MGAM2: variants seen among roughly 807,000 people sequenced by gnomAD.
MGAM2 encodes maltase-glucoamylase 2 (putative), also known as probable maltase-glucoamylase 2.
Under a neutral mutation model 96.1 loss-of-function variants are expected in MGAM2, and 98 were observed. The observed-to-expected ratio is 1.02, with a 90% CI of 0.87 to 1.21. The LOEUF is 1.21. Ranked by LOEUF, MGAM2 falls within the 50% of genes most tolerant of loss-of-function variation. MGAM2 has a pLI of 0.00. For missense variants in MGAM2, 2,055 were observed against 1,182.4 expected (o/e 1.74, Z -10.82); for synonymous variants, 749 against 414.8 (o/e 1.81, Z -9.79).
rs781341615 is a variant in MGAM2, at chr7:142,198,619, C to T, written c.4928C>T (p.Thr1643Ile). The T allele has an allele frequency of 9.2e-5, 65 of 702,770 alleles. No individual in the cohort carries two copies. The highest frequency in any genetic ancestry group is 1.3e-5 in the Non-Finnish European group (5 of 384,890). 43.5% of individuals were successfully genotyped at this position (702,770 alleles called of 1,614,324 possible). A position where few individuals can be genotyped will look rare whatever the true frequency, so the allele number is the denominator to read the frequency against. Reference sequence around the variant, plus strand: ...TGCCTGTATTCTCCTTTCTAGGGAACTAGCAGCACATCAACAGGTCAGAGG... The same window carrying T: ...TGCCTGTATTCTCCTTTCTAGGGAATTAGCAGCACATCAACAGGTCAGAGG... ...RARWYDYSTG[T>I]SSTSTGQRKI... The change falls in exon 44 of 48, where the codon ACT (threonine) becomes ATT (isoleucine). Residue 1643 changes from threonine to isoleucine, a missense_variant. Thr to Ile is a moderately conservative substitution (Grantham distance 89). Transcript: ENST00000477922.
At chr7:142,160,077 C>T in intron 20 of MGAM2, 57 bp from the exon 21 acceptor site, 1 of 656,876 alleles carries the variant, frequency 1.5e-6, no homozygotes, top group South Asian at 1.7e-5. Flanking sequence ...ACCTAAGGCC[C>T]CTCCTAGCTG....
chr7:142,222,315 A>C lies in MGAM2; in HGVS notation c.*256A>C, dbSNP rs1459072521. The C allele has an allele frequency of 9.4e-6, 3 of 319,086 alleles. No individual in the cohort carries two copies. The highest frequency in any genetic ancestry group is 1.7e-5 in the Non-Finnish European group (3 of 175,552). 19.8% of individuals were successfully genotyped at this position (319,086 alleles called of 1,614,324 possible). A position where few individuals can be genotyped will look rare whatever the true frequency, so the allele number is the denominator to read the frequency against. The stretch of plus-strand genomic sequence containing the variant: ...TTTTGCAACCATAGTATGTGCTCTT[A>C]TTCTTTTAAATTATAGTTATTACTC... On this transcript the variant is annotated 3_prime_UTR_variant, in exon 48 of 48. Coordinates refer to ENST00000477922, the MANE Select transcript of MGAM2 (RefSeq NM_001293626.2).
Position 142,218,469 on chromosome 7 carries a change from A to G in MGAM2, c.5296A>G (p.Ser1766Gly), listed in dbSNP as rs1023894576. Residue 1766 changes from serine (S) to glycine (G), a missense_variant, in exon 47 of 48, where the codon AGT becomes GGT. Transcript: ENST00000477922. ...TGTGAATACCTATGTGACACAAGTC[A>G]GTTTCACCTATGACAACCGGCAATT... ...WGVNTYVTQV[S>G]FTYDNRQFME... 5 of 701,854 alleles carry G rather than the reference A, an allele frequency of 7.1e-6. No individual in the cohort carries two copies. In the African/African-American group the frequency reaches 8.7e-5, roughly 12 times the overall value. 43.5% of individuals were successfully genotyped at this position (701,854 alleles called of 1,614,324 possible).
chr7:142,186,152 T>A, intron 35 of MGAM2, 29 bp downstream of exon 35: 1 of 691,332 alleles, frequency 1.4e-6, no homozygotes, highest in Non-Finnish European at 2.6e-6. Flanking sequence ...GTCTTTTTTT[T>A]TTTTTTGGAA....
intron 17 of MGAM2, among the ~76,000 whole-genome samples, chr7:142,155,430 C>T (rs941112378): frequency 5.9e-5 from 9 of 152,142 alleles, no homozygotes; most frequent in African/African-American, 2.2e-4. Flanking sequence ...GTAGCAGAAG[C>T]AAGTAGGGTG....
chr7:142,160,927 C>G (rs1249471919), intron 21 of MGAM2, among the ~76,000 whole-genome samples, 198 bp from the exon 22 acceptor site: 1 of 152,120 alleles, frequency 6.6e-6, no homozygotes, highest in Non-Finnish European at 1.5e-5. Context: ...CCTCTGTCCA[C>G]CCTTCCCTTT....
At chr7:142,112,073 G>A (rs974739872) in intron 1 of MGAM2, among the ~76,000 whole-genome samples, 1 of 151,270 alleles carries the variant, frequency 6.6e-6, no homozygotes, top group Non-Finnish European at 1.5e-5. Context: ...CAGGTTGGGG[G>A]AGGTCTGGTG....
At chr7:142,191,342 T>C (rs1422363709) in intron 37 of MGAM2, among the ~76,000 whole-genome samples, 1 of 152,204 alleles carries the variant, frequency 6.6e-6, no homozygotes, top group African/African-American at 2.4e-5. Context: ...GCTTTTGGTG[T>C]CATATTCAAG....
intron 31 of MGAM2, among the ~76,000 whole-genome samples, chr7:142,175,159 T>C (rs1479255571): frequency 5.9e-5 from 9 of 152,302 alleles, no homozygotes; most frequent in Non-Finnish European, 1.3e-4. Flanking sequence ...CAGTATGATA[T>C]TGGCTGTGGG....
chr7:142,209,209 T>G (rs1321663455), intron 46 of MGAM2, among the ~76,000 whole-genome samples: 1 of 152,174 alleles, frequency 6.6e-6, no homozygotes, highest in Middle Eastern at 3.2e-3. Context: ...GCACGGCTTC[T>G]TCATAATTAT....
chr7:142,207,390 A>G (rs1480709390), intron 45 of MGAM2, among the ~76,000 whole-genome samples: 1 of 152,118 alleles, frequency 6.6e-6, no homozygotes, highest in Non-Finnish European at 1.5e-5. Context: ...AGACATAACA[A>G]GTAAAGGCTA....
intron 15 of MGAM2, 100 bp downstream of exon 15, chr7:142,147,673 T>C (rs1186054844): frequency 1.8e-6 from 1 of 563,220 alleles, no homozygotes; most frequent in East Asian, 2.9e-5. Context: ...GTTCAAATAT[T>C]TTTTGCATTT....
At chr7:142,187,417 CAAG>C (rs1247751466) in intron 35 of MGAM2, among the ~76,000 whole-genome samples, 1 of 152,228 alleles carries the variant, frequency 6.6e-6, no homozygotes, top group East Asian at 1.9e-4. Flanking sequence ...GGAGTTGTAT[CAAG>C]AGATTTCCTT....
At chr7:142,196,444 T>C in intron 38 of MGAM2, 121 bp from the exon 39 acceptor site, 1 of 664,436 alleles carries the variant, frequency 1.5e-6, no homozygotes, top group Non-Finnish European at 2.7e-6. Context: ...TTTACACCCA[T>C]CTTTTAATAT....
chr7:142,150,129 C>T (rs1563261726), intron 15 of MGAM2, among the ~76,000 whole-genome samples: 2 of 151,748 alleles, frequency 1.3e-5, no homozygotes, highest in African/African-American at 4.8e-5. Context: ...TTAGTAGAGA[C>T]GGGGTTTCTC....
Position 142,165,984 on chromosome 7 carries a change from G to A in MGAM2, c.2653-114G>A, listed in dbSNP as rs916045162. 19 of 569,626 alleles carry A rather than the reference G, an allele frequency of 3.3e-5. No individual in the cohort carries two copies. In the African/African-American group the frequency reaches 3.4e-4, roughly 10 times the overall value. 35.3% of individuals were successfully genotyped at this position (569,626 alleles called of 1,614,324 possible). On this transcript the variant is annotated intron_variant, in intron 24 of 47. Transcript: ENST00000477922. ...GTTCTGAATATCTCATGGCAAAATGGTTTTGGAGGAAGGAATAGATGCCCT... is the reference window on the plus strand; with the variant it reads ...GTTCTGAATATCTCATGGCAAAATGATTTTGGAGGAAGGAATAGATGCCCT...
intron 3 of MGAM2, among the ~76,000 whole-genome samples, chr7:142,126,326 A>G (rs1413267639): frequency 6.6e-6 from 1 of 151,888 alleles, no homozygotes; most frequent in Non-Finnish European, 1.5e-5. Context: ...GGGCCTATGT[A>G]TTTTTATTTA....
intron 35 of MGAM2, among the ~76,000 whole-genome samples, chr7:142,186,815 C>T (rs1395121234): frequency 1.3e-5 from 2 of 152,190 alleles, no homozygotes; most frequent in African/African-American, 4.8e-5. Flanking sequence ...ACACAGGGGC[C>T]TCCCTGACCA....
chr7:142,140,020 C>T (rs1795173670), intron 10 of MGAM2, among the ~76,000 whole-genome samples: 1 of 152,140 alleles, frequency 6.6e-6, no homozygotes, highest in African/African-American at 2.4e-5. Flanking sequence ...GGGCAACAGG[C>T]CATAAGCCAC....
Sources: allele counts gnomAD v4.1 joint callset (sites outside exome capture counted in the v4.1 genomes callset), GRCh38; gene constraint gnomAD v4.1.1; transcripts MANE v1.5; gene names NCBI Gene and HGNC (gene_info 2026-07-23, HGNC 2026-07-21).